CLEC16A: variants seen among roughly 807,000 people sequenced by gnomAD.
CLEC16A encodes the protein C-type lectin domain containing 16A.
A neutral mutation model predicts 109.5 loss-of-function variants in CLEC16A; 51 were observed. The ratio of observed to expected loss-of-function variants is 0.47; its 90% CI spans 0.37 to 0.59. The LOEUF (loss-of-function observed/expected upper bound fraction) is 0.59, where lower values mean the gene tolerates loss of function less well. Among genes scored for constraint, CLEC16A ranks in the 20% least tolerant of loss-of-function variants. The pLI is 0.00. For synonymous variants in CLEC16A, 673 were observed against 564.2 expected (o/e 1.19, Z -2.73); for missense variants, 1,339 against 1,394.0 (o/e 0.96, Z 0.63).
chr16:11,027,994 A>T (rs1292222979), intron 13 of CLEC16A, among the ~76,000 whole-genome samples: 1 of 152,218 alleles, frequency 6.6e-6, no homozygotes, highest in African/African-American at 2.4e-5. Context: ...TGAGGTTGGG[A>T]GTTCGAGACC....
intron 13 of CLEC16A, among the ~76,000 whole-genome samples, chr16:11,037,700 C>G (rs770702120): frequency 1.4e-4 from 21 of 152,270 alleles, no homozygotes; most frequent in African/African-American, 5.1e-4. Context: ...TTCTGCTATC[C>G]TCTCTGAAGC....
At chr16:11,016,379 C>T (rs1255294637) in intron 11 of CLEC16A, among the ~76,000 whole-genome samples, 2 of 149,460 alleles carry the variant, frequency 1.3e-5, no homozygotes, top group Non-Finnish European at 1.5e-5. Context: ...AACAGAGTCT[C>T]ACTCTGTCAC....
chr16:11,169,925 C>G (rs935958706), intron 23 of CLEC16A, among the ~76,000 whole-genome samples: 1 of 152,120 alleles, frequency 6.6e-6, no homozygotes, highest in Non-Finnish European at 1.5e-5. Flanking sequence ...ACAGATGTCC[C>G]CTTGTTGAAT....
At chr16:11,047,265 C>T (rs200080690) in intron 16 of CLEC16A, 27 bp from the exon 17 acceptor site, 17 of 1,591,672 alleles carry the variant, frequency 1.1e-5, no homozygotes, top group African/African-American at 1.3e-5. Flanking sequence ...GAATAATCTC[C>T]TCTTCCCTCC....
chr16:11,167,296 C>T (rs564187448), intron 23 of CLEC16A, among the ~76,000 whole-genome samples: 29 of 152,310 alleles, frequency 1.9e-4, no homozygotes, highest in Admixed American at 1.2e-3. Flanking sequence ...TTCTGTGCCC[C>T]AGCAGCATCC....
intron 19 of CLEC16A, chr16:11,071,108 A>G (rs951416348): frequency 2.0e-5 from 3 of 152,200 alleles, no homozygotes; most frequent in Non-Finnish European, 4.4e-5. Flanking sequence ...ATTCGTTTCC[A>G]GCAAAAGTAT....
In CLEC16A at chr16:11,127,068, A is replaced by G. The variant is rs546866473; in HGVS notation, c.2641+922A>G. On this transcript the variant is annotated intron_variant, in intron 22 of 23. Coordinates refer to ENST00000409790, the MANE Select transcript of CLEC16A (RefSeq NM_015226.3). ...AGGCATATGATTTTTTAAAATCCAG[A>G]CAGGAGATGATCAAATGAAAAATAA... is the stretch of plus-strand genomic sequence containing the variant. Among the ~76,000 whole-genome samples the G allele has an allele frequency of 1.4e-4, 21 of 152,354 alleles. No individual in the cohort carries two copies. The East Asian group carries it at 3.9e-3, about 28-fold the overall frequency.
At chr16:11,122,828 C>A (rs1315682632) in intron 20 of CLEC16A, among the ~76,000 whole-genome samples, 2 of 148,724 alleles carry the variant, frequency 1.3e-5, no homozygotes, top group African/African-American at 4.9e-5. Context: ...GCTACATGTT[C>A]ATTTATTCTC....
chr16:11,046,497 A>C (rs1157758127), intron 16 of CLEC16A, among the ~76,000 whole-genome samples: 2 of 152,088 alleles, frequency 1.3e-5, no homozygotes, highest in Non-Finnish European at 1.5e-5. Context: ...TGTCTCATTC[A>C]GAACTTGTGA....
chr16:11,111,616 G>C (rs986638947), intron 19 of CLEC16A, among the ~76,000 whole-genome samples: 2 of 152,178 alleles, frequency 1.3e-5, no homozygotes, highest in African/African-American at 2.4e-5. Flanking sequence ...AGTATAGTCC[G>C]TAAGAAAATC....
At chr16:11,168,022 G>A (rs571717604) in intron 23 of CLEC16A, among the ~76,000 whole-genome samples, 6 of 152,320 alleles carry the variant, frequency 3.9e-5, no homozygotes, top group Admixed American at 2.6e-4. Flanking sequence ...CCTTGTAGCT[G>A]TGGTCACCTT....
intron 19 of CLEC16A, among the ~76,000 whole-genome samples, chr16:11,097,837 T>C (rs896687560): frequency 6.6e-6 from 1 of 152,248 alleles, no homozygotes; most frequent in African/African-American, 2.4e-5. Context: ...TGCATTATAA[T>C]AGCAGGAGCA....
chr16:11,027,151 A>C (rs2046453714), intron 13 of CLEC16A: 2 of 1,439,156 alleles, frequency 1.4e-6, no homozygotes, highest in African/African-American at 1.4e-5. Context: ...GAGCAGAAGA[A>C]AGGAAAAGGG....
intron 1 of CLEC16A, among the ~76,000 whole-genome samples, chr16:10,956,839 C>G (rs756927998): frequency 3.9e-5 from 6 of 152,152 alleles, no homozygotes; most frequent in Non-Finnish European, 8.8e-5. Flanking sequence ...CTCTGTCACC[C>G]AGGCTGGAGT....
intron 19 of CLEC16A, among the ~76,000 whole-genome samples, chr16:11,117,210 G>C (rs980325976): frequency 3.3e-5 from 5 of 151,940 alleles, no homozygotes; most frequent in Admixed American, 1.3e-4. Context: ...AAAAACTGTT[G>C]GGTACTATGC....
intron 14 of CLEC16A, 130 bp from the exon 15 acceptor site, chr16:11,042,124 C>G (rs879211536): frequency 3.1e-6 from 2 of 640,972 alleles, no homozygotes; most frequent in Non-Finnish European, 5.6e-6. Flanking sequence ...TGTGTCCCCA[C>G]TGGATGTTGG....
intron 3 of CLEC16A, among the ~76,000 whole-genome samples, chr16:10,966,884 C>G (rs1251748325): frequency 1.3e-5 from 2 of 152,136 alleles, no homozygotes; most frequent in Non-Finnish European, 2.9e-5. Context: ...GGGACATAGC[C>G]AAACCATATC....
intron 19 of CLEC16A, among the ~76,000 whole-genome samples, chr16:11,081,316 C>T (rs1280117598): frequency 3.3e-5 from 5 of 152,206 alleles, no homozygotes; most frequent in Non-Finnish European, 5.9e-5. Context: ...TCAGCCCCCT[C>T]TCCACTCTAC....
chr16:11,087,797 G>A (rs1265219388), intron 19 of CLEC16A, among the ~76,000 whole-genome samples: 1 of 152,256 alleles, frequency 6.6e-6, no homozygotes, highest in Non-Finnish European at 1.5e-5. Context: ...GAGGCCCAGA[G>A]AGGAGGACGG....
Sources: allele counts gnomAD v4.1 joint callset (sites outside exome capture counted in the v4.1 genomes callset), GRCh38; gene constraint gnomAD v4.1.1; transcripts MANE v1.5; gene names NCBI Gene and HGNC (gene_info 2026-07-23, HGNC 2026-07-21).